Variants in BCL2L13 observed in about 807,000 individuals in gnomAD.
BCL2L13 encodes the protein BCL2 like 13.
BCL2L13 carries 13 observed loss-of-function variants against 25.8 expected under a neutral mutation model. That is an observed-to-expected ratio of 0.50 (90% confidence interval 0.33 to 0.80). The LOEUF (loss-of-function observed/expected upper bound fraction) is 0.80, where lower values mean the gene tolerates loss of function less well. Ranked by LOEUF, BCL2L13 falls within the 30% of genes least tolerant of loss-of-function variation. BCL2L13 has a pLI of 0.02. For synonymous variants in BCL2L13, 244 were observed against 230.3 expected, an observed-to-expected ratio of 1.06 and a Z score of -0.54; for missense variants, 504 against 574.9, an observed-to-expected ratio of 0.88 and a Z score of 1.26.
rs35123241 is a variant in BCL2L13, at chr22:17,728,034, TG to T, written c.*503del. ...ATTCCCAGCTGAGAGAACTTAGCTG[TG>T]GGCTCCTCAGCTACTGACTTCTTAG... On this transcript the variant is annotated 3_prime_UTR_variant, in exon 7 of 7. Coordinates refer to ENST00000317582, the MANE Select transcript of BCL2L13 (RefSeq NM_015367.4). 0.12 allele frequency: 18,875 copies of T among 163,236 alleles called. 1,553 individuals are homozygous for T. Among genetic ancestry groups the T allele is most frequent in the Non-Finnish European group, 0.17 (12,596 of 73,230 alleles). The allele number at this position is 163,236 out of a possible 1,614,324, so 10.1% of individuals were successfully genotyped here. A position where few individuals can be genotyped will look rare whatever the true frequency, so the allele number is the denominator to read the frequency against.
chr22:17,721,840 T>G (rs1042022190), intron 6 of BCL2L13, among the ~76,000 whole-genome samples: 9 of 151,820 alleles, frequency 5.9e-5, no homozygotes, highest in African/African-American at 1.9e-4. Flanking sequence ...TTTTATGTTT[T>G]TAGTAGAGAC....
intron 1 of BCL2L13, among the ~76,000 whole-genome samples, chr22:17,633,117 T>C (rs2058056403): frequency 6.6e-6 from 1 of 152,182 alleles, no homozygotes; most frequent in Admixed American, 6.6e-5. Context: ...AATAATTTAT[T>C]CCCATACCAT....
At chr22:17,705,782 C>A (rs1333544889) in intron 6 of BCL2L13, among the ~76,000 whole-genome samples, 1 of 151,972 alleles carries the variant, frequency 6.6e-6, no homozygotes, top group African/African-American at 2.4e-5. Context: ...GTATGATTTC[C>A]ACGGGGAATG....
intron 2 of BCL2L13, among the ~76,000 whole-genome samples, chr22:17,676,607 T>C (rs565252299): frequency 4.1e-4 from 62 of 152,346 alleles, no homozygotes; most frequent in African/African-American, 1.4e-3. Context: ...GAGAATTTTA[T>C]TGCAAGAAAT....
chr22:17,632,479 C>T (rs935076983), intron 1 of BCL2L13, among the ~76,000 whole-genome samples: 1 of 152,088 alleles, frequency 6.6e-6, no homozygotes, highest in African/African-American at 2.4e-5. Flanking sequence ...TCCTAAAAAA[C>T]AGATTGCAGG....
chr22:17,701,042 CAA>C (rs1254045833), intron 5 of BCL2L13, among the ~76,000 whole-genome samples: 1 of 152,062 alleles, frequency 6.6e-6, no homozygotes, highest in Non-Finnish European at 1.5e-5. Flanking sequence ...ATGTTTTAAA[CAA>C]AAGAGATTGC....
rs972013984 is a variant in BCL2L13, at chr22:17,659,773, A to G, written c.121+3941A>G. On this transcript the variant is annotated intron_variant, in intron 2 of 6. Coordinates refer to ENST00000317582, the MANE Select transcript of BCL2L13 (RefSeq NM_015367.4). Reference sequence around the variant, plus strand: ...AGAAGAGGTGAGCATGATAATAATGATACTCCACTACAGCTTTATATGAAA... The same window carrying G: ...AGAAGAGGTGAGCATGATAATAATGGTACTCCACTACAGCTTTATATGAAA... Among the ~76,000 whole-genome samples the G allele has an allele frequency of 2.9e-5, 4 of 139,478 alleles. 1 individual carries two copies. The highest frequency in any genetic ancestry group is 5.1e-5 in the African/African-American group (2 of 39,150). 91.5% of individuals were successfully genotyped at this position (139,478 alleles called of 152,430 possible).
chr22:17,677,180 A>G (rs715532), intron 2 of BCL2L13, among the ~76,000 whole-genome samples: 78,080 of 152,022 alleles, frequency 0.51, 20,770 homozygotes, highest in East Asian at 0.84. Context: ...AAAAAAATAA[A>G]AGGATTTGAA....
In BCL2L13 at chr22:17,709,327, G is replaced by A. The variant is rs1484378778; in HGVS notation, c.600+6941G>A. ...TATAAAACTGAGGCTGGACGTGGTG[G>A]CTCACGCCTGTAATCCCAACACTTT... On this transcript the variant is annotated intron_variant, in intron 6 of 6. Coordinates refer to ENST00000317582, the MANE Select transcript of BCL2L13 (RefSeq NM_015367.4). Among the ~76,000 whole-genome samples, 3 of 152,310 alleles carry A rather than the reference G, an allele frequency of 2.0e-5. No homozygotes were observed. In the East Asian group the frequency reaches 5.8e-4, roughly 29 times the overall value.
chr22:17,636,106 T>C (rs1319701646), upstream of BCL2L13, among the ~76,000 whole-genome samples: 1 of 149,138 alleles, frequency 6.7e-6, no homozygotes, highest in African/African-American at 2.6e-5. Context: ...GGTGGATCAC[T>C]TGGGGTCAGG....
At chr22:17,647,451 A>G (rs996865422) in intron 1 of BCL2L13, among the ~76,000 whole-genome samples, 1 of 152,100 alleles carries the variant, frequency 6.6e-6, no homozygotes, top group South Asian at 2.1e-4. Flanking sequence ...CCCCCCGTCC[A>G]TTCTCAAAAC....
upstream of BCL2L13, among the ~76,000 whole-genome samples, chr22:17,634,333 G>A (rs2058072458): frequency 6.6e-6 from 1 of 151,870 alleles, no homozygotes; most frequent in South Asian, 2.1e-4. Flanking sequence ...CCACAGGCAT[G>A]AGCCACCATG....
chr22:17,720,154 T>TTTTTTCTTTCTTTCTTTC (rs1555897233), intron 6 of BCL2L13, among the ~76,000 whole-genome samples: 2 of 141,736 alleles, frequency 1.4e-5, no homozygotes, highest in Non-Finnish European at 3.1e-5. Context: ...GTGGGTTTCA[T>TTTTTTCTTTCTTTCTTTC]TTTCTTTCTT....
chr22:17,680,505 C>T (rs1226040545), intron 2 of BCL2L13, among the ~76,000 whole-genome samples: 22 of 101,358 alleles, frequency 2.2e-4, no homozygotes, highest in African/African-American at 9.4e-4. Context: ...GAGCGAGACT[C>T]TGTCTCAAAA....
intron 2 of BCL2L13, among the ~76,000 whole-genome samples, chr22:17,675,960 G>T (rs2146659511): frequency 6.6e-6 from 1 of 152,314 alleles, no homozygotes; most frequent in South Asian, 2.1e-4. Context: ...ACCTTTCACA[G>T]TGTGGAAAGC....
chr22:17,702,297 G>C lies in BCL2L13; in HGVS notation c.511G>C (p.Gly171Arg). 1 of 1,611,978 alleles carries C rather than the reference G, an allele frequency of 6.2e-7. No individual in the cohort carries two copies. Among genetic ancestry groups the C allele is most frequent in the Non-Finnish European group, 8.5e-7 (1 of 1,178,990 alleles). ...AATGCTTTTGGAATTGACAAGACGT[G>C]GTCAAGAACCTTTGAGCGCACTGCT... ...RQMLLELTRR[G>R]QEPLSALLQF... Residue 171 changes from glycine to arginine, a missense_variant, in exon 6 of 7, where the codon GGT (glycine) becomes CGT (arginine). Physicochemically the swap from Gly to Arg is moderately radical, Grantham distance 125. Coordinates refer to ENST00000317582, the MANE Select transcript of BCL2L13 (RefSeq NM_015367.4).
intron 2 of BCL2L13, among the ~76,000 whole-genome samples, chr22:17,679,264 CTTTTTTTTTTTTTTT>C (rs3044588): frequency 1.3e-5 from 1 of 76,134 alleles, no homozygotes; most frequent in South Asian, 5.1e-4. Flanking sequence ...TGGTTTGGCT[CTTTTTTTTTTTTTTT>C]TTTTTTTTTG....
At position 17,631,698 on chromosome 22, in the gene BCL2L13, A is replaced by G. The variant is rs1432340843; in HGVS notation, c.-650+2693A>G. Among the ~76,000 whole-genome samples the G allele has an allele frequency of 1.7e-4, 5 of 28,862 alleles. 1 individual carries two copies. The highest frequency in any genetic ancestry group is 2.9e-4 in the Non-Finnish European group (4 of 13,818). 18.9% of individuals were successfully genotyped at this position (28,862 alleles called of 152,430 possible). On this transcript the variant is annotated intron_variant, in intron 1 of 6. Transcript: ENST00000399782. ...TATATATATATATATATATATATATATATATATATTTTTTTTTTTTTTTTT... is the reference window on the plus strand; with the variant it reads ...TATATATATATATATATATATATATGTATATATATTTTTTTTTTTTTTTTT...
intron 5 of BCL2L13, among the ~76,000 whole-genome samples, chr22:17,696,564 T>C (rs2060270508): frequency 6.6e-6 from 1 of 152,210 alleles, no homozygotes; most frequent in South Asian, 2.1e-4. Flanking sequence ...GGAGGTAGCC[T>C]CTTCCTGTTC....
Sources: gnomAD v4.1 joint callset for allele counts (sites outside exome capture counted in the v4.1 genomes callset) on GRCh38, gnomAD v4.1.1 for gene constraint, MANE v1.5 for transcripts, NCBI Gene and HGNC (gene_info 2026-07-23, HGNC 2026-07-21) for gene names.